ZNF569: variants seen among roughly 807,000 people sequenced by gnomAD.
The protein encoded by ZNF569 is DNA-binding protein.
ZNF569 carries 38 observed loss-of-function variants against 56.3 expected under a neutral mutation model. The observed-to-expected ratio is 0.68, with a 90% CI of 0.52 to 0.88. The LOEUF (loss-of-function observed/expected upper bound fraction) is 0.88. ZNF569 is among the 40% of genes least tolerant of loss of function. The probability of loss-of-function intolerance (pLI) is 0.00; values close to 1 mark genes in which losing one functional copy is unlikely to be tolerated. For missense variants in ZNF569, 666 were observed against 809.2 expected, an observed-to-expected ratio of 0.82 and a Z score of 2.15; for synonymous variants, 241 against 262.9, an observed-to-expected ratio of 0.92 and a Z score of 0.81.
chr19:37,456,978 A>AC (rs964342305), intron 2 of ZNF569, among the ~76,000 whole-genome samples: 29 of 143,128 alleles, frequency 2.0e-4, no homozygotes, highest in African/African-American at 8.6e-4. Context: ...AAAAAAAAAA[A>AC]AACAAAAAAC....
chr19:37,444,761 C>G, intron 3 of ZNF569, 146 bp downstream of exon 3: 1 of 579,708 alleles, frequency 1.7e-6, no homozygotes, highest in Admixed American at 4.1e-5. Flanking sequence ...TTTAACTCTT[C>G]CCTAGTTTTA....
intron 2 of ZNF569, among the ~76,000 whole-genome samples, chr19:37,450,877 C>T (rs2041580758): frequency 6.6e-6 from 1 of 152,016 alleles, no homozygotes; most frequent in South Asian, 2.1e-4. Context: ...TCGTTTGACC[C>T]AATGGTTATT....
At chr19:37,424,534 C>T (rs2146884149) in intron 5 of ZNF569, among the ~76,000 whole-genome samples, 1 of 152,076 alleles carries the variant, frequency 6.6e-6, no homozygotes, top group South Asian at 2.1e-4. Flanking sequence ...GTACATCAGG[C>T]CAGGCGCGGT....
chr19:37,464,708 A>C (rs1189092587), intron 2 of ZNF569, among the ~76,000 whole-genome samples: 1 of 152,154 alleles, frequency 6.6e-6, no homozygotes, highest in Non-Finnish European at 1.5e-5. Context: ...ATACAAGGAC[A>C]AAATTGTCTA....
intron 5 of ZNF569, among the ~76,000 whole-genome samples, chr19:37,415,021 C>CA: frequency 6.6e-6 from 1 of 151,970 alleles, no homozygotes; most frequent in Admixed American, 6.6e-5. Context: ...AGAAAAAAGA[C>CA]AAAAATTCCT....
At chr19:37,455,178 A>G (rs1291026323) in intron 2 of ZNF569, 2 of 289,198 alleles carry the variant, frequency 6.9e-6, no homozygotes, top group Non-Finnish European at 6.4e-6. Flanking sequence ...AGTTAGGATT[A>G]GGATAACAGT....
In ZNF569 at chr19:37,427,705, TGC is replaced by T. The variant is rs2041157702; in HGVS notation, c.16-1329_16-1328del. ...AAGCCCTTCCTGCTGAAAATCATGA[TGC>T]TTGCAATAAACATGTTCAAGAAGCA... On this transcript the variant is annotated intron_variant, in intron 3 of 5. Coordinates refer to ENST00000316950, the MANE Select transcript of ZNF569 (RefSeq NM_152484.3). The T allele has an allele frequency of 1.1e-5, 5 of 449,984 alleles. No individual in the cohort carries two copies. In the Admixed American group the frequency reaches 1.2e-4, roughly 11 times the overall value. 27.9% of individuals were successfully genotyped at this position (449,984 alleles called of 1,614,324 possible).
rs2146845645 is a variant in ZNF569 at position 37,412,744 on chromosome 19, T to G, written c.1914A>C (p.Lys638Asn). The change falls in exon 6 of 6, where the codon AAA (lysine) becomes AAC (asparagine). Residue 638 changes from lysine to asparagine, a missense_variant. Coordinates refer to ENST00000316950, the MANE Select transcript of ZNF569 (RefSeq NM_152484.3). ...AGATTTGAGAGAAGGCTTTTCCACA[T>G]TTACTACAGTCGAAGGGTTTCTCAC... ...HTGEKPFDCSKCGKAFSQISS... is the reference protein window; with the variant it reads ...HTGEKPFDCSNCGKAFSQISS... The G allele has an allele frequency of 6.2e-7, 1 of 1,614,084 alleles. No homozygotes were observed. Among genetic ancestry groups the G allele is most frequent in the East Asian group, 2.2e-5 (1 of 44,874 alleles).
intron 5 of ZNF569, among the ~76,000 whole-genome samples, chr19:37,421,382 G>A (rs543499536): frequency 6.6e-6 from 1 of 152,292 alleles, no homozygotes; most frequent in Non-Finnish European, 1.5e-5. Context: ...ACATCGGAAC[G>A]CTATTGTTTA....
chr19:37,413,541 C>CA lies in ZNF569; in HGVS notation c.1116dup (p.Val373CysfsTer2). The CA allele has an allele frequency of 6.2e-7, 1 of 1,612,748 alleles. No individual in the cohort carries two copies. The highest frequency in any genetic ancestry group is 8.5e-7 in the Non-Finnish European group (1 of 1,179,510). ...GGTTTTTCACCTGTATGAATTCTAACATGTATAATAAGCATGGAAAACTGA... is the reference window on the plus strand; with the variant it reads ...GGTTTTTCACCTGTATGAATTCTAACAATGTATAATAAGCATGGAAAACTGA... On this transcript the variant is annotated frameshift_variant, in exon 6 of 6. Coordinates refer to ENST00000316950, the MANE Select transcript of ZNF569 (RefSeq NM_152484.3). LOFTEE classifies it high-confidence loss of function.
chr19:37,421,463 C>G (rs1022161415), intron 5 of ZNF569, among the ~76,000 whole-genome samples: 8 of 152,182 alleles, frequency 5.3e-5, no homozygotes, highest in African/African-American at 1.9e-4. Flanking sequence ...TCGGCTCTTA[C>G]TGCTTTACCT....
chr19:37,452,100 A>T (rs1027886028), intron 2 of ZNF569, among the ~76,000 whole-genome samples: 1 of 151,980 alleles, frequency 6.6e-6, no homozygotes. Flanking sequence ...AATTTCTGGC[A>T]TATGTAGTTA....
rs2041468418 is a variant in ZNF569, at chr19:37,444,928, T to C, written c.-7A>G. On this transcript the variant is annotated 5_prime_UTR_variant, in exon 3 of 6. Transcript: ENST00000316950. ...TTACCTGGGACTCAGTCATTTCCTC[T>C]TCTTTCTGGGAAGGGATGGGGCCTG... The C allele has an allele frequency of 1.2e-6, 2 of 1,608,886 alleles. No homozygotes were observed. Among genetic ancestry groups the C allele is most frequent in the Non-Finnish European group, 8.5e-7 (1 of 1,178,068 alleles).
chr19:37,439,071 G>GT (rs371957689), intron 3 of ZNF569, among the ~76,000 whole-genome samples: 20 of 151,726 alleles, frequency 1.3e-4, no homozygotes, highest in African/African-American at 3.9e-4. Flanking sequence ...AATTAAAATG[G>GT]TTTTTTTTGT....
chr19:37,421,203 T>C (rs138867637), intron 5 of ZNF569, among the ~76,000 whole-genome samples: 1 of 152,230 alleles, frequency 6.6e-6, no homozygotes, highest in East Asian at 1.9e-4. Flanking sequence ...CCCTAGGATT[T>C]TCAGAATGGG....
At chr19:37,415,339 G>A (rs1044529650) in intron 5 of ZNF569, among the ~76,000 whole-genome samples, 3 of 151,950 alleles carry the variant, frequency 2.0e-5, no homozygotes, top group African/African-American at 7.3e-5. Context: ...CATTTCTGTA[G>A]ATATTAAGAT....
intron 5 of ZNF569, among the ~76,000 whole-genome samples, chr19:37,418,568 C>T (rs12462271): frequency 0.14 from 21,417 of 151,622 alleles, 1,678 homozygotes; most frequent in South Asian, 0.25. Flanking sequence ...TGCCTGCAGA[C>T]GAAGATGTCA....
chr19:37,460,522 G>C (rs2041740313), intron 2 of ZNF569, among the ~76,000 whole-genome samples: 1 of 151,154 alleles, frequency 6.6e-6, no homozygotes, highest in Admixed American at 6.6e-5. Context: ...AAGACAGATT[G>C]TCAGAGTGCA....
chr19:37,445,272 T>C (rs891973391), intron 2 of ZNF569, among the ~76,000 whole-genome samples: 1 of 152,100 alleles, frequency 6.6e-6, no homozygotes, highest in Non-Finnish European at 1.5e-5. Flanking sequence ...CTAAAGTATT[T>C]TAAAGTATTG....
Sources: gnomAD v4.1 joint callset for allele counts (sites outside exome capture counted in the v4.1 genomes callset) on GRCh38, gnomAD v4.1.1 for gene constraint, MANE v1.5 for transcripts, NCBI Gene and HGNC (gene_info 2026-07-23, HGNC 2026-07-21) for gene names.